Variants in ARID1B observed in about 807,000 individuals in gnomAD.
The protein encoded by ARID1B is AT-rich interactive domain-containing protein 1B.
ARID1B carries 30 observed loss-of-function variants against 212.3 expected under a neutral mutation model. The ratio of observed to expected loss-of-function variants is 0.14; its 90% confidence interval spans 0.11 to 0.19. The LOEUF is 0.19. Among genes scored for constraint, ARID1B ranks in the 10% least tolerant of loss-of-function variants. The pLI is 1.00. For synonymous variants in ARID1B, 1,402 were observed against 1,301.7 expected (o/e 1.08, Z -1.66); for missense variants, 2,891 against 3,204.0 (o/e 0.90, Z 2.36).
At chr6:156,890,074 A>G (rs1787806861) in intron 2 of ARID1B, among the ~76,000 whole-genome samples, 1 of 152,208 alleles carries the variant, frequency 6.6e-6, no homozygotes, top group African/African-American at 2.4e-5. Flanking sequence ...TAGATTCATA[A>G]TGGTTATTAA....
At position 156,803,533 on chromosome 6, in the gene ARID1B, C is replaced by T. The variant is rs11968451; in HGVS notation, c.1791+24062C>T. On this transcript the variant is annotated intron_variant, in intron 1 of 19. Coordinates refer to ENST00000636930, the MANE Select transcript of ARID1B (RefSeq NM_001374828.1). Reference sequence around the variant, plus strand: ...ACTTACCTAGACTTACCTTTGCCTTCGTTTTGCATTTATGATTTTTCCCTC... The same window carrying T: ...ACTTACCTAGACTTACCTTTGCCTTTGTTTTGCATTTATGATTTTTCCCTC... Among the ~76,000 whole-genome samples, 530 of 151,990 alleles carry T rather than the reference C, an allele frequency of 3.5e-3. 1 individual carries two copies. The highest frequency in any genetic ancestry group is 0.011 in the African/African-American group (476 of 41,440).
At chr6:157,093,043 C>T (rs1785377126) in intron 5 of ARID1B, among the ~76,000 whole-genome samples, 1 of 152,214 alleles carries the variant, frequency 6.6e-6, no homozygotes, top group Non-Finnish European at 1.5e-5. Flanking sequence ...TGTGCTGCCT[C>T]TGTGGAAATG....
intron 2 of ARID1B, among the ~76,000 whole-genome samples, chr6:156,863,579 A>G (rs1562443526): frequency 6.6e-6 from 1 of 152,206 alleles, no homozygotes; most frequent in African/African-American, 2.4e-5. Context: ...TCCTTTAAGA[A>G]TCTTAAAACA....
chr6:156,981,536 T>C (rs1777604767), intron 4 of ARID1B, among the ~76,000 whole-genome samples: 1 of 152,204 alleles, frequency 6.6e-6, no homozygotes, highest in African/African-American at 2.4e-5. Flanking sequence ...CATGCAATCA[T>C]TGCTATATAT....
intron 1 of ARID1B, among the ~76,000 whole-genome samples, chr6:156,825,379 T>C (rs1782670786): frequency 6.6e-6 from 1 of 152,264 alleles, no homozygotes; most frequent in Non-Finnish European, 1.5e-5. Context: ...AGATATTTGA[T>C]GCATTTTGAG....
At chr6:157,131,217 G>A (rs1048220611) in intron 6 of ARID1B, among the ~76,000 whole-genome samples, 9 of 152,148 alleles carry the variant, frequency 5.9e-5, no homozygotes, top group African/African-American at 1.9e-4. Flanking sequence ...TAACCACCAC[G>A]TCCCACACGC....
chr6:156,859,700 G>A lies in ARID1B; in HGVS notation c.1986+30279G>A, dbSNP rs1389281980. Reference sequence around the variant, plus strand: ...TTAAAGCTTTTCTAGATTAAAAGCCGTAGGTTGCAAAACATGGTTTTTTGC... The same window carrying A: ...TTAAAGCTTTTCTAGATTAAAAGCCATAGGTTGCAAAACATGGTTTTTTGC... On this transcript the variant is annotated intron_variant, in intron 2 of 19. Coordinates refer to ENST00000636930, the MANE Select transcript of ARID1B (RefSeq NM_001374828.1). Among the ~76,000 whole-genome samples, 7 of 152,176 alleles carry A rather than the reference G, an allele frequency of 4.6e-5. No individual in the cohort carries two copies. In the East Asian group the frequency reaches 9.6e-4, roughly 21 times the overall value.
intron 7 of ARID1B, among the ~76,000 whole-genome samples, chr6:157,145,610 A>T (rs146885235): frequency 3.9e-5 from 6 of 152,316 alleles, no homozygotes; most frequent in African/African-American, 1.4e-4. Flanking sequence ...ATAGAACTTT[A>T]TATGTGTGAA....
chr6:157,056,907 A>G (rs1185159056), intron 4 of ARID1B, among the ~76,000 whole-genome samples: 1 of 147,992 alleles, frequency 6.8e-6, no homozygotes, highest in Non-Finnish European at 1.5e-5. Flanking sequence ...TCTTTTTTTT[A>G]AATAAGTTTA....
chr6:157,114,817 C>A (rs537110756), intron 6 of ARID1B, among the ~76,000 whole-genome samples: 2 of 152,204 alleles, frequency 1.3e-5, no homozygotes, highest in East Asian at 3.9e-4. Flanking sequence ...ATGATGCAAC[C>A]TACTTCTCTC....
intron 1 of ARID1B, among the ~76,000 whole-genome samples, chr6:156,824,464 G>C (rs368076158): frequency 6.6e-6 from 1 of 152,142 alleles, no homozygotes; most frequent in East Asian, 1.9e-4. Context: ...CCGGATAGAT[G>C]TTAAAAAAAC....
chr6:156,873,664 C>A (rs906465208), intron 2 of ARID1B, among the ~76,000 whole-genome samples: 2 of 152,234 alleles, frequency 1.3e-5, no homozygotes, highest in Non-Finnish European at 2.9e-5. Context: ...GAGTCTTGTG[C>A]AGCAGAGCTT....
At chr6:156,902,415 T>G (rs1474691291) in intron 3 of ARID1B, among the ~76,000 whole-genome samples, 1 of 152,230 alleles carries the variant, frequency 6.6e-6, no homozygotes, top group South Asian at 2.1e-4. Flanking sequence ...TTTAAAGGAC[T>G]TCTTTTGTGG....
intron 4 of ARID1B, among the ~76,000 whole-genome samples, chr6:157,030,728 T>C (rs901325373): frequency 6.6e-6 from 1 of 152,262 alleles, no homozygotes; most frequent in African/African-American, 2.4e-5. Context: ...AGTGTAATTA[T>C]GTTAACATCA....
intron 5 of ARID1B, among the ~76,000 whole-genome samples, chr6:157,101,483 C>T (rs1271574428): frequency 2.6e-5 from 4 of 152,166 alleles, no homozygotes; most frequent in Non-Finnish European, 5.9e-5. Context: ...CACTAAACAC[C>T]TCATGATCTC....
chr6:156,784,633 C>A (rs1323347703), intron 1 of ARID1B, among the ~76,000 whole-genome samples: 1 of 152,176 alleles, frequency 6.6e-6, no homozygotes, highest in Non-Finnish European at 1.5e-5. Flanking sequence ...ATTAGCAATT[C>A]ACTTTGAGTG....
intron 4 of ARID1B, among the ~76,000 whole-genome samples, chr6:156,985,833 C>G (rs1562529093): frequency 6.6e-6 from 1 of 152,186 alleles, no homozygotes; most frequent in Non-Finnish European, 1.5e-5. Context: ...CCAAGTCACT[C>G]TCAGAGATGT....
At chr6:156,958,626 A>C (rs867212661) in intron 4 of ARID1B, among the ~76,000 whole-genome samples, 8 of 152,214 alleles carry the variant, frequency 5.3e-5, no homozygotes, top group Middle Eastern at 3.2e-3. Context: ...GGGCATTTAA[A>C]TGTTGTCCAA....
intron 2 of ARID1B, among the ~76,000 whole-genome samples, chr6:156,844,208 G>A (rs1264860495): frequency 6.6e-6 from 1 of 152,186 alleles, no homozygotes; most frequent in Non-Finnish European, 1.5e-5. Flanking sequence ...AGTTCAGAAA[G>A]CCACAGGGCT....
Sources: gnomAD v4.1 joint callset for allele counts (sites outside exome capture counted in the v4.1 genomes callset) on GRCh38, gnomAD v4.1.1 for gene constraint, MANE v1.5 for transcripts, NCBI Gene and HGNC (gene_info 2026-07-23, HGNC 2026-07-21) for gene names.